Variants in C1orf87 observed in about 807,000 individuals in gnomAD.
C1orf87 encodes chromosome 1 open reading frame 87, also known as uncharacterized protein C1orf87.
Under a neutral mutation model 60.5 loss-of-function variants are expected in C1orf87, and 58 were observed. That is an observed-to-expected ratio of 0.96 (90% confidence interval 0.78 to 1.19). The LOEUF (loss-of-function observed/expected upper bound fraction) is 1.19. C1orf87 is among the 50% of genes most tolerant of loss of function. The pLI, the probability that C1orf87 is intolerant of heterozygous loss-of-function variation, is 0.00. For synonymous variants in C1orf87, 236 were observed against 227.4 expected (o/e 1.04, Z -0.34); for missense variants, 673 against 638.6 (o/e 1.05, Z -0.58).
chr1:60,021,674 C>A (rs1645164091), intron 8 of C1orf87, among the ~76,000 whole-genome samples: 1 of 152,214 alleles, frequency 6.6e-6, no homozygotes, highest in African/African-American at 2.4e-5. Flanking sequence ...ATGAATAAAA[C>A]AAAGACCCTG....
At chr1:60,062,837 C>A (rs1645506473) in intron 2 of C1orf87, among the ~76,000 whole-genome samples, 1 of 152,098 alleles carries the variant, frequency 6.6e-6, no homozygotes, top group Admixed American at 6.5e-5. Flanking sequence ...ACCTCATAGT[C>A]TCAATATTTG....
chr1:60,040,058 C>T lies in C1orf87; in HGVS notation c.606G>A (p.Leu202=). The T allele has an allele frequency of 6.2e-7, 1 of 1,614,226 alleles. No individual in the cohort carries two copies. Among genetic ancestry groups the T allele is most frequent in the Non-Finnish European group, 8.5e-7 (1 of 1,180,032 alleles). ...CTGAAGAGATTGGGTCCAGGATCTT[C>T]AGCTCTTTCTGAAGCTTTTCTAATA... ...SNLLEKLQKE[L]KILDPISSGF... The change falls in exon 5 of 12, where the codon CTG becomes CTA. Residue 202 remains leucine (L), a synonymous_variant. Transcript: ENST00000371201.
intron 8 of C1orf87, among the ~76,000 whole-genome samples, chr1:60,024,616 C>T (rs574221419): frequency 6.6e-6 from 1 of 152,152 alleles, no homozygotes; most frequent in African/African-American, 2.4e-5. Context: ...CTCTACTCCT[C>T]TGTGCTGTGC....
At chr1:60,018,650 C>T (rs778097720) in intron 8 of C1orf87, among the ~76,000 whole-genome samples, 18 of 152,116 alleles carry the variant, frequency 1.2e-4, no homozygotes, top group Non-Finnish European at 1.6e-4. Context: ...ATTTTCTACT[C>T]GGCTCTTAGC....
At chr1:60,071,746 A>G (rs1430063750) in intron 2 of C1orf87, among the ~76,000 whole-genome samples, 1 of 152,242 alleles carries the variant, frequency 6.6e-6, no homozygotes, top group Non-Finnish European at 1.5e-5. Context: ...AGGTTTAGCA[A>G]AAATTTCTTC....
chr1:60,033,227 G>A (rs1180597689), intron 7 of C1orf87, among the ~76,000 whole-genome samples: 3 of 152,172 alleles, frequency 2.0e-5, no homozygotes, highest in Non-Finnish European at 2.9e-5. Flanking sequence ...TTATTTGAGT[G>A]TTGTCATATT....
chr1:60,044,699 G>A (rs556910880), intron 3 of C1orf87, among the ~76,000 whole-genome samples: 2 of 152,248 alleles, frequency 1.3e-5, no homozygotes, highest in South Asian at 4.1e-4. Flanking sequence ...TTTCCAAAGT[G>A]AAGAGTGTTC....
chr1:60,016,508 T>C (rs952431095), intron 8 of C1orf87, among the ~76,000 whole-genome samples: 20 of 152,210 alleles, frequency 1.3e-4, no homozygotes, highest in African/African-American at 4.1e-4. Flanking sequence ...AGTACAGCCC[T>C]TCCCTGATAT....
chr1:60,012,169 C>T lies in C1orf87; in HGVS notation c.1128-1713G>A, dbSNP rs376132980. 1.1e-3 allele frequency among the ~76,000 whole-genome samples: 164 copies of T among 148,236 alleles called. 1 individual carries two copies. Among genetic ancestry groups the T allele is most frequent in the African/African-American group, 8.5e-4 (34 of 40,122 alleles). On this transcript the variant is annotated intron_variant, in intron 8 of 11. Coordinates refer to ENST00000371201, the MANE Select transcript of C1orf87 (RefSeq NM_152377.3). ...GGTTTATGGCTACAGCACCTTCTGACGCTTTGATGAAAAAAAAAACACAAA... is the reference window on the plus strand; with the variant it reads ...GGTTTATGGCTACAGCACCTTCTGATGCTTTGATGAAAAAAAAAACACAAA...
At chr1:60,067,217 C>T (rs919908766) in intron 2 of C1orf87, among the ~76,000 whole-genome samples, 2 of 152,158 alleles carry the variant, frequency 1.3e-5, no homozygotes, top group African/African-American at 4.8e-5. Context: ...ATTTCTGGTT[C>T]TAAATCCTTG....
chr1:60,073,469 T>A (rs1645597698), intron 1 of C1orf87, among the ~76,000 whole-genome samples: 1 of 152,184 alleles, frequency 6.6e-6, no homozygotes, highest in South Asian at 2.1e-4. Flanking sequence ...AGGACGGGAC[T>A]GTTTCCAGTA....
intron 8 of C1orf87, among the ~76,000 whole-genome samples, chr1:60,015,727 C>T (rs1645120319): frequency 1.3e-5 from 2 of 152,130 alleles, no homozygotes; most frequent in African/African-American, 4.8e-5. Context: ...CCCTAACAGT[C>T]TCATTTTAAC....
chr1:60,061,804 A>AAG, intron 2 of C1orf87, among the ~76,000 whole-genome samples: 3 of 146,406 alleles, frequency 2.0e-5, no homozygotes, highest in Non-Finnish European at 3.0e-5. Flanking sequence ...AAAAAAAAAT[A>AAG]GCTGGGCTTT....
chr1:59,994,765 C>T (rs12403818), intron 11 of C1orf87, among the ~76,000 whole-genome samples: 3 of 152,138 alleles, frequency 2.0e-5, no homozygotes, highest in Non-Finnish European at 4.4e-5. Context: ...TGATGGATGG[C>T]CTGTCCTCAT....
chr1:60,010,553 A>C (rs556941911), intron 8 of C1orf87, 97 bp from the exon 9 acceptor site: 1 of 1,055,634 alleles, frequency 9.5e-7, no homozygotes, highest in Admixed American at 1.9e-5. Flanking sequence ...ATATTGAATA[A>C]GCTTTTTGAT....
At chr1:60,067,450 A>G (rs1396313752) in intron 2 of C1orf87, among the ~76,000 whole-genome samples, 1 of 151,554 alleles carries the variant, frequency 6.6e-6, no homozygotes, top group Non-Finnish European at 1.5e-5. Context: ...TTTGATTTGC[A>G]TTCCTCTAAT....
intron 2 of C1orf87, among the ~76,000 whole-genome samples, chr1:60,067,690 A>C (rs1040223142): frequency 6.7e-6 from 1 of 149,564 alleles, no homozygotes. Flanking sequence ...CACTCTGATG[A>C]TAGTTTCGTT....
chr1:60,072,426 C>T (rs1645590119), intron 2 of C1orf87, 111 bp downstream of exon 2: 2 of 769,796 alleles, frequency 2.6e-6, no homozygotes, highest in Non-Finnish European at 4.1e-6. Flanking sequence ...ATCTTAATGA[C>T]TTCGTTTTCC....
At chr1:60,060,881 TAAA>T (rs1645492049) in intron 2 of C1orf87, among the ~76,000 whole-genome samples, 1 of 152,224 alleles carries the variant, frequency 6.6e-6, no homozygotes, top group Non-Finnish European at 1.5e-5. Flanking sequence ...GGCTAAAATG[TAAA>T]TCTGGGAACC....
Sources: allele counts gnomAD v4.1 joint callset (sites outside exome capture counted in the v4.1 genomes callset), GRCh38; gene constraint gnomAD v4.1.1; transcripts MANE v1.5; gene names NCBI Gene and HGNC (gene_info 2026-07-23, HGNC 2026-07-21).